The following CAMSAP2 variants were observed in gnomAD, a reference collection of about 807,000 sequenced individuals.
CAMSAP2 encodes calmodulin regulated spectrin associated protein family member 2, also known as calmodulin-regulated spectrin-associated protein 2.
A neutral mutation model predicts 146.1 loss-of-function variants in CAMSAP2; 26 were observed. The ratio of observed to expected loss-of-function variants is 0.18; its 90% CI spans 0.13 to 0.25. CAMSAP2 has a LOEUF of 0.25. CAMSAP2 is among the 10% of genes least tolerant of loss of function. CAMSAP2 has a pLI of 1.00. For missense variants in CAMSAP2, 1,381 were observed against 1,759.3 expected (o/e 0.78, Z 3.85); for synonymous variants, 499 against 596.6 (o/e 0.84, Z 2.38).
Position 200,848,744 on chromosome 1 carries a change from G to C in CAMSAP2, c.1975G>C (p.Glu659Gln). Residue 659 changes from glutamate to glutamine, a missense_variant, in exon 11 of 17, where the codon GAA becomes CAA. Transcript: ENST00000358823. ...DYDIRTGNTR[E>Q]ALSPCPSTVS... ...TGATATTCGAACTGGCAACACCAGGGAAGCTTTGAGTCCTTGTCCAAGTAC... is the reference window on the plus strand; with the variant it reads ...TGATATTCGAACTGGCAACACCAGGCAAGCTTTGAGTCCTTGTCCAAGTAC... 6.2e-7 allele frequency: 1 copy of C among 1,614,132 alleles called. No homozygotes were observed. Among genetic ancestry groups the C allele is most frequent in the Non-Finnish European group, 8.5e-7 (1 of 1,179,988 alleles).
chr1:200,747,792 C>T (rs1032757080), intron 1 of CAMSAP2, among the ~76,000 whole-genome samples: 1 of 152,054 alleles, frequency 6.6e-6, no homozygotes, highest in African/African-American at 2.4e-5. Flanking sequence ...AGGCGGATCA[C>T]GAGGTCAGGA....
intron 1 of CAMSAP2, among the ~76,000 whole-genome samples, chr1:200,751,798 C>G (rs1213861755): frequency 6.6e-6 from 1 of 152,134 alleles, no homozygotes; most frequent in Non-Finnish European, 1.5e-5. Flanking sequence ...GATGGAGAGA[C>G]ACAGAGGTGT....
At chr1:200,788,643 C>CTTT (rs71564133) in intron 2 of CAMSAP2, among the ~76,000 whole-genome samples, 1 of 122,424 alleles carries the variant, frequency 8.2e-6, no homozygotes, top group African/African-American at 3.0e-5. Context: ...TTCTTTTTTT[C>CTTT]TTTTTTTTTT....
chr1:200,827,368 G>A (rs1355457220), intron 4 of CAMSAP2, among the ~76,000 whole-genome samples: 1 of 152,118 alleles, frequency 6.6e-6, no homozygotes, highest in East Asian at 1.9e-4. Context: ...GGTTCTTCTA[G>A]TCTAGAAAAC....
chr1:200,792,745 G>A (rs1665788921), intron 2 of CAMSAP2, among the ~76,000 whole-genome samples: 1 of 152,192 alleles, frequency 6.6e-6, no homozygotes, highest in Admixed American at 6.5e-5. Context: ...TATAGAAATG[G>A]AGAACAGATT....
At chr1:200,743,778 T>C (rs1053875333) in intron 1 of CAMSAP2, among the ~76,000 whole-genome samples, 2 of 151,896 alleles carry the variant, frequency 1.3e-5, no homozygotes, top group African/African-American at 4.8e-5. Flanking sequence ...CCGTCTCTAC[T>C]AAAAATAGAA....
intron 4 of CAMSAP2, among the ~76,000 whole-genome samples, chr1:200,826,001 A>C (rs1470305112): frequency 6.6e-6 from 1 of 152,176 alleles, no homozygotes; most frequent in Non-Finnish European, 1.5e-5. Flanking sequence ...TAGAAGTTGG[A>C]CTGCTAGATT....
chr1:200,804,645 C>A (rs900660945), intron 2 of CAMSAP2, among the ~76,000 whole-genome samples: 3 of 152,074 alleles, frequency 2.0e-5, no homozygotes, highest in Non-Finnish European at 4.4e-5. Flanking sequence ...GTGAAAAAGA[C>A]AGGATCCCTG....
At chr1:200,775,912 T>C (rs1324791119) in intron 2 of CAMSAP2, among the ~76,000 whole-genome samples, 2 of 152,140 alleles carry the variant, frequency 1.3e-5, no homozygotes, top group East Asian at 3.9e-4. Context: ...TATATAACTT[T>C]AGTAAGTACA....
chr1:200,837,532 C>T (rs1306654331), intron 6 of CAMSAP2, among the ~76,000 whole-genome samples: 2 of 152,032 alleles, frequency 1.3e-5, no homozygotes, highest in Admixed American at 1.3e-4. Context: ...GTTCTTTTTG[C>T]TTAAGATTGC....
At chr1:200,847,948 G>GTAATT in intron 10 of CAMSAP2, 84 bp from the exon 11 acceptor site, 2 of 1,023,746 alleles carry the variant, frequency 2.0e-6, no homozygotes, top group Non-Finnish European at 2.8e-6. Context: ...GAAAGGAAAT[G>GTAATT]TAATTTCAAA....
chr1:200,766,436 C>T (rs1664954505), intron 2 of CAMSAP2, among the ~76,000 whole-genome samples: 1 of 152,230 alleles, frequency 6.6e-6, no homozygotes, highest in East Asian at 1.9e-4. Context: ...TCAGGTAGCT[C>T]TTTTCATTTA....
At chr1:200,813,324 T>G in intron 3 of CAMSAP2, among the ~76,000 whole-genome samples, 1 of 152,312 alleles carries the variant, frequency 6.6e-6, no homozygotes, top group Middle Eastern at 3.4e-3. Context: ...TATTAACACA[T>G]TGGGGATTAA....
intron 3 of CAMSAP2, among the ~76,000 whole-genome samples, chr1:200,809,832 G>A (rs1186838620): frequency 6.6e-6 from 1 of 152,176 alleles, no homozygotes; most frequent in East Asian, 1.9e-4. Context: ...AGAGATCCCA[G>A]GTGAAGAGGC....
chr1:200,795,296 G>A (rs1665856719), intron 2 of CAMSAP2, among the ~76,000 whole-genome samples: 1 of 152,192 alleles, frequency 6.6e-6, no homozygotes, highest in African/African-American at 2.4e-5. Flanking sequence ...TTAATCACTT[G>A]TAGCTGTGAG....
intron 2 of CAMSAP2, among the ~76,000 whole-genome samples, chr1:200,772,291 T>C (rs1665139065): frequency 6.6e-6 from 1 of 152,166 alleles, no homozygotes; most frequent in Non-Finnish European, 1.5e-5. Flanking sequence ...GACCCATGAA[T>C]GGGTTATAAA....
intron 6 of CAMSAP2, among the ~76,000 whole-genome samples, chr1:200,837,958 T>C (rs1333802664): frequency 6.6e-6 from 1 of 152,206 alleles, no homozygotes; most frequent in Non-Finnish European, 1.5e-5. Context: ...GTTTATCAGC[T>C]TAAGGAGCTT....
At chr1:200,787,673 T>A (rs1665632438) in intron 2 of CAMSAP2, among the ~76,000 whole-genome samples, 1 of 152,246 alleles carries the variant, frequency 6.6e-6, no homozygotes, top group Non-Finnish European at 1.5e-5. Flanking sequence ...TTGATAGGAC[T>A]GACTCCACGT....
chr1:200,782,857 C>G (rs1024102932), intron 2 of CAMSAP2, among the ~76,000 whole-genome samples: 3 of 126,216 alleles, frequency 2.4e-5, no homozygotes, highest in African/African-American at 6.1e-5. Context: ...GTGGCAGTGG[C>G]TTGATCACGG....
Sources: gnomAD v4.1 joint callset for allele counts (sites outside exome capture counted in the v4.1 genomes callset) on GRCh38, gnomAD v4.1.1 for gene constraint, MANE v1.5 for transcripts, NCBI Gene and HGNC (gene_info 2026-07-23, HGNC 2026-07-21) for gene names.